Variants in ZSWIM5 observed in about 807,000 individuals in gnomAD.
The protein encoded by ZSWIM5 is zinc finger SWIM-type containing 5, also known as zinc finger SWIM domain-containing protein 5.
In ZSWIM5, 55 loss-of-function variants were observed where a neutral mutation model predicts 119.6. The ratio of observed to expected loss-of-function variants is 0.46; its 90% CI spans 0.37 to 0.58. The LOEUF (loss-of-function observed/expected upper bound fraction) is 0.58. Ranked by LOEUF, ZSWIM5 falls within the 20% of genes least tolerant of loss-of-function variation. ZSWIM5 has a pLI of 0.00. For missense variants in ZSWIM5, 1,193 were observed against 1,512.8 expected (o/e 0.79, Z 3.51); for synonymous variants, 537 against 606.9 (o/e 0.88, Z 1.69).
At chr1:45,059,892 G>A (rs1225289484) in intron 3 of ZSWIM5, among the ~76,000 whole-genome samples, 1 of 152,122 alleles carries the variant, frequency 6.6e-6, no homozygotes, top group African/African-American at 2.4e-5. Flanking sequence ...CAGAGCAGAA[G>A]GAACAGGACT....
At chr1:45,146,464 CA>C (rs1354545679) in intron 1 of ZSWIM5, among the ~76,000 whole-genome samples, 2 of 89,198 alleles carry the variant, frequency 2.2e-5, no homozygotes, top group Non-Finnish European at 3.9e-5. Context: ...TTTTTTGAGA[CA>C]GAGTCTTGCT....
chr1:45,060,291 T>A (rs1570041400), intron 2 of ZSWIM5, 44 bp from the exon 3 acceptor site: 2 of 1,597,340 alleles, frequency 1.3e-6, no homozygotes, highest in Non-Finnish European at 1.7e-6. Context: ...TGAGTTCACA[T>A]GCTACACATT....
At chr1:45,059,183 A>G (rs1645139662) in intron 3 of ZSWIM5, among the ~76,000 whole-genome samples, 1 of 152,214 alleles carries the variant, frequency 6.6e-6, no homozygotes, top group South Asian at 2.1e-4. Context: ...AGAACCTTAT[A>G]CAAGAATGTT....
At chr1:45,171,055 C>T (rs1479745219) in intron 1 of ZSWIM5, among the ~76,000 whole-genome samples, 1 of 152,154 alleles carries the variant, frequency 6.6e-6, no homozygotes, top group East Asian at 1.9e-4. Flanking sequence ...CATACATTTT[C>T]ACATCTACTT....
chr1:45,186,780 C>T (rs948211890), intron 1 of ZSWIM5, among the ~76,000 whole-genome samples: 13 of 151,854 alleles, frequency 8.6e-5, no homozygotes, highest in Admixed American at 6.6e-5. Flanking sequence ...TAGTCAAGAC[C>T]GGGTTTTGCC....
chr1:45,181,913 C>A (rs1646022060), intron 1 of ZSWIM5, among the ~76,000 whole-genome samples: 1 of 152,094 alleles, frequency 6.6e-6, no homozygotes, highest in South Asian at 2.1e-4. Context: ...GCCTGCCCTA[C>A]AAGAGCTCCT....
At chr1:45,136,598 G>C (rs1557776899) in intron 1 of ZSWIM5, among the ~76,000 whole-genome samples, 2 of 151,946 alleles carry the variant, frequency 1.3e-5, no homozygotes, top group African/African-American at 4.8e-5. Context: ...TGCATAACTG[G>C]TTATTTTTTA....
chr1:45,150,973 G>A (rs1645793705), intron 1 of ZSWIM5, among the ~76,000 whole-genome samples: 1 of 152,086 alleles, frequency 6.6e-6, no homozygotes, highest in African/African-American at 2.4e-5. Flanking sequence ...TCTTCCCCTT[G>A]CTCAACATTC....
rs557544245 is a variant in ZSWIM5 at position 45,199,294 on chromosome 1, CT to C, written c.595+6461del. On this transcript the variant is annotated intron_variant, in intron 1 of 13. Coordinates refer to ENST00000359600, the MANE Select transcript of ZSWIM5 (RefSeq NM_020883.2). Reference sequence around the variant, plus strand: ...GTACTTCAGCTTTTGCTTCAATAGTCTTTTTTTTTTTTTTTTCTTTTTGAGA... The same window carrying C: ...GTACTTCAGCTTTTGCTTCAATAGTCTTTTTTTTTTTTTTTCTTTTTGAGA... Among the ~76,000 whole-genome samples the C allele has an allele frequency of 9.7e-3, 1,362 of 139,800 alleles. 6 individuals carry two copies. Among genetic ancestry groups the C allele is most frequent in the African/African-American group, 0.026 (1,000 of 38,422 alleles). 91.7% of individuals were successfully genotyped at this position (139,800 alleles called of 152,430 possible). A position where few individuals can be genotyped will look rare whatever the true frequency, so the allele number is the denominator to read the frequency against.
intron 1 of ZSWIM5, among the ~76,000 whole-genome samples, chr1:45,204,476 C>A (rs187390078): frequency 2.2e-4 from 33 of 152,236 alleles, no homozygotes; most frequent in Admixed American, 2.0e-3. Context: ...TATATTCTGG[C>A]ACAGGATAAA....
intron 1 of ZSWIM5, among the ~76,000 whole-genome samples, chr1:45,164,432 C>A (rs1189404467): frequency 2.0e-5 from 3 of 152,068 alleles, no homozygotes; most frequent in Non-Finnish European, 4.4e-5. Flanking sequence ...AAATAACCAG[C>A]TAACATCATA....
intron 1 of ZSWIM5, among the ~76,000 whole-genome samples, chr1:45,192,932 T>C (rs577328020): frequency 6.6e-6 from 1 of 152,338 alleles, no homozygotes; most frequent in Admixed American, 6.5e-5. Context: ...CTTGTGCTTA[T>C]TGGTCATCTG....
chr1:45,124,680 T>C (rs1645610184), intron 1 of ZSWIM5, among the ~76,000 whole-genome samples: 1 of 152,150 alleles, frequency 6.6e-6, no homozygotes, highest in Non-Finnish European at 1.5e-5. Context: ...AGAGCAGATA[T>C]TTTAAAAACA....
intron 1 of ZSWIM5, among the ~76,000 whole-genome samples, chr1:45,096,130 C>A (rs1645400292): frequency 1.3e-5 from 2 of 152,036 alleles, no homozygotes; most frequent in Non-Finnish European, 2.9e-5. Context: ...TTCAAGTGCC[C>A]AAGAACTATA....
intron 2 of ZSWIM5, among the ~76,000 whole-genome samples, chr1:45,081,580 C>T (rs533886478): frequency 3.2e-4 from 49 of 152,346 alleles, no homozygotes; most frequent in African/African-American, 1.1e-3. Context: ...CCCGAGGTGC[C>T]GGGATTGCAG....
At chr1:45,165,815 G>T (rs1302064491) in intron 1 of ZSWIM5, among the ~76,000 whole-genome samples, 1 of 152,078 alleles carries the variant, frequency 6.6e-6, no homozygotes, top group African/African-American at 2.4e-5. Context: ...TGAAATTGAG[G>T]CAATAATTAA....
At chr1:45,202,666 C>G (rs1409575891) in intron 1 of ZSWIM5, among the ~76,000 whole-genome samples, 1 of 151,928 alleles carries the variant, frequency 6.6e-6, no homozygotes, top group Non-Finnish European at 1.5e-5. Context: ...ATGCCTTTAG[C>G]CAATTTTTAA....
intron 1 of ZSWIM5, among the ~76,000 whole-genome samples, chr1:45,134,063 C>G (rs1265045251): frequency 6.6e-6 from 1 of 152,234 alleles, no homozygotes; most frequent in East Asian, 1.9e-4. Flanking sequence ...CAGCTTTGTT[C>G]TTTTGGCTTA....
At chr1:45,136,601 A>AT (rs34562762) in intron 1 of ZSWIM5, among the ~76,000 whole-genome samples, 3 of 151,768 alleles carry the variant, frequency 2.0e-5, no homozygotes, top group East Asian at 3.9e-4. Context: ...ATAACTGGTT[A>AT]TTTTTTACTG....
Sources: allele counts gnomAD v4.1 joint callset (sites outside exome capture counted in the v4.1 genomes callset), GRCh38; gene constraint gnomAD v4.1.1; transcripts MANE v1.5; gene names NCBI Gene and HGNC (gene_info 2026-07-23, HGNC 2026-07-21).